The following LRRFIP1 variants were observed in gnomAD, a reference collection of about 807,000 sequenced individuals.
LRRFIP1 encodes the protein leucine-rich repeat flightless-interacting protein 1.
In LRRFIP1, 62 loss-of-function variants were observed where a neutral mutation model predicts 104.4. That is an observed-to-expected ratio of 0.59 (90% CI 0.48 to 0.73). LRRFIP1 has a LOEUF of 0.73. LRRFIP1 is among the 30% of genes least tolerant of loss of function. The pLI is 0.00. For synonymous variants in LRRFIP1, 300 were observed against 299.0 expected (o/e 1.00, Z -0.03); for missense variants, 796 against 824.5 (o/e 0.97, Z 0.42).
intron 1 of LRRFIP1, among the ~76,000 whole-genome samples, chr2:237,698,955 T>TA (rs1202570366): frequency 6.6e-6 from 1 of 152,218 alleles, no homozygotes; most frequent in African/African-American, 2.4e-5. Flanking sequence ...AACATTTCCT[T>TA]AAAAAATAAA....
At chr2:237,653,783 T>C (rs1016781131) in intron 1 of LRRFIP1, among the ~76,000 whole-genome samples, 1 of 152,200 alleles carries the variant, frequency 6.6e-6, no homozygotes, top group African/African-American at 2.4e-5. Context: ...ATAAGTGATG[T>C]TGGGGAAAAC....
intron 1 of LRRFIP1, among the ~76,000 whole-genome samples, chr2:237,700,739 C>T (rs1044885195): frequency 3.9e-5 from 6 of 152,182 alleles, no homozygotes; most frequent in South Asian, 2.1e-4. Context: ...TCCTGGCAAA[C>T]GGCGGGCATG....
rs2094379659 is a variant in LRRFIP1, at chr2:237,717,415, G to A, written c.202-347G>A. On this transcript the variant is annotated intron_variant, in intron 3 of 23. Transcript: ENST00000308482. This position sits in a 1 kb window ranked among gnomAD's most constrained non-coding sequence, Gnocchi z 4.2. ...TTCCTTCATCGCGTTTGCTTTGAAG[G>A]CATGAGCAGCCTGTTGGAGGGGGCG... 6.6e-6 allele frequency among the ~76,000 whole-genome samples: 1 copy of A among 152,210 alleles called. No individual in the cohort carries two copies. Among genetic ancestry groups the A allele is most frequent in the Non-Finnish European group, 1.5e-5 (1 of 68,040 alleles).
chr2:237,724,158 G>C (rs2094645112), intron 7 of LRRFIP1, among the ~76,000 whole-genome samples: 1 of 150,900 alleles, frequency 6.6e-6, no homozygotes, highest in Admixed American at 6.6e-5. Flanking sequence ...ATATGTCTCT[G>C]ACAGTTTCTG....
Position 237,759,475 on chromosome 2 carries a change from C to T in LRRFIP1, c.1318-589C>T, listed in dbSNP as rs1036267625. 2.0e-5 allele frequency among the ~76,000 whole-genome samples: 3 copies of T among 152,266 alleles called. No individual in the cohort carries two copies. In the South Asian group the frequency reaches 6.2e-4, roughly 32 times the overall value. ...CTGCTCCTTGAAGAGGCGATCAGTT[C>T]AGGGGAGTTCCTCACACACAAGGGA... On this transcript the variant is annotated intron_variant, in intron 18 of 23. Transcript: ENST00000308482.
chr2:237,691,145 G>T lies in LRRFIP1; in HGVS notation c.97-17399G>T, dbSNP rs979543063. Among the ~76,000 whole-genome samples the T allele has an allele frequency of 6.6e-6, 1 of 151,976 alleles. No individual in the cohort carries two copies. The highest frequency in any genetic ancestry group is 6.5e-5 in the Admixed American group (1 of 15,278). On this transcript the variant is annotated intron_variant, in intron 1 of 23. Transcript: ENST00000308482. This position sits in a 1 kb window ranked among gnomAD's most constrained non-coding sequence, Gnocchi z 5.4. The stretch of plus-strand genomic sequence containing the variant: ...TGCAGAGAAAAGGGAATTGGGAATT[G>T]GAGGGCTGTAAAATGTAAATGTGCT...
chr2:237,738,248 C>G lies in LRRFIP1; in HGVS notation c.556-984C>G, dbSNP rs146380866. Among the ~76,000 whole-genome samples the G allele has an allele frequency of 3.3e-5, 5 of 149,806 alleles. No homozygotes were observed. The East Asian group carries it at 9.7e-4, about 29-fold the overall frequency. ...GCACCCCTGAAGATCTGGATGAGATCTTGAGCACCCGTGAAGATCTGGATG... is the reference window on the plus strand; with the variant it reads ...GCACCCCTGAAGATCTGGATGAGATGTTGAGCACCCGTGAAGATCTGGATG... On this transcript the variant is annotated intron_variant, in intron 10 of 23. Transcript: ENST00000308482.
rs181534656 is a variant in LRRFIP1 at position 237,633,486 on chromosome 2, C to T, written c.96+5746C>T. 3.3e-5 allele frequency among the ~76,000 whole-genome samples: 5 copies of T among 150,126 alleles called. No individual in the cohort carries two copies. The East Asian group carries it at 9.7e-4, about 29-fold the overall frequency. The stretch of plus-strand genomic sequence containing the variant: ...CCTTTTCTGGGTGACTCTTGAGCCA[C>T]TCGTTGGCCTGGTACTCAGGGTTGG... On this transcript the variant is annotated intron_variant, in intron 1 of 23. Transcript: ENST00000308482.
At chr2:237,763,603 A>G (rs1305506602) in intron 19 of LRRFIP1, 1 of 1,613,730 alleles carries the variant, frequency 6.2e-7, no homozygotes. Context: ...CTGAAAATCC[A>G]AAACAGAAAA....
chr2:237,755,714 G>A (rs181626309), intron 15 of LRRFIP1, among the ~76,000 whole-genome samples: 2,218 of 152,292 alleles, frequency 0.015, 23 homozygotes, highest in Non-Finnish European at 0.024. Flanking sequence ...CAGGTGGATC[G>A]CTTGAGGTCA....
At chr2:237,681,818 T>G (rs1416711598) in intron 1 of LRRFIP1, among the ~76,000 whole-genome samples, 2 of 148,084 alleles carry the variant, frequency 1.4e-5, no homozygotes, top group Admixed American at 1.4e-4. Context: ...TAGCTGGGAC[T>G]ACAGGCGCCC....
At chr2:237,646,157 G>A (rs34094951) in intron 1 of LRRFIP1, among the ~76,000 whole-genome samples, 19,895 of 151,534 alleles carry the variant, frequency 0.13, 2,003 homozygotes, top group Non-Finnish European at 0.2. Context: ...TGATTAGTTC[G>A]CAGGAACAAT....
chr2:237,725,575 C>A (rs1329086717), intron 7 of LRRFIP1, among the ~76,000 whole-genome samples: 1 of 152,204 alleles, frequency 6.6e-6, no homozygotes, highest in Non-Finnish European at 1.5e-5. Context: ...CAAAGTACTT[C>A]TCCCTATGGA....
intron 1 of LRRFIP1, among the ~76,000 whole-genome samples, chr2:237,676,737 A>T (rs552566362): frequency 4.9e-4 from 74 of 152,324 alleles, no homozygotes; most frequent in African/African-American, 1.6e-3. Flanking sequence ...TCCTGGCCTC[A>T]AGTGATCTGC....
intron 8 of LRRFIP1, among the ~76,000 whole-genome samples, chr2:237,731,527 G>T (rs2095011857): frequency 6.8e-6 from 1 of 147,908 alleles, no homozygotes; most frequent in South Asian, 2.1e-4. Flanking sequence ...CTCAGTATAT[G>T]ATCAGCTGTG....
At chr2:237,779,034 C>T (rs1447081246) in intron 23 of LRRFIP1, among the ~76,000 whole-genome samples, 6 of 152,092 alleles carry the variant, frequency 3.9e-5, no homozygotes, top group Admixed American at 2.6e-4. Context: ...CCATCCTGGC[C>T]AACATGGCAA....
At position 237,735,394 on chromosome 2, in the gene LRRFIP1, C is replaced by A; in HGVS notation, c.555+61C>A. ...GCCTGCTGCATGGCCTGGGGATGCT[C>A]GCTGGGCAGGGTCCAGCCGTGGGGG... On this transcript the variant is annotated intron_variant, in intron 10 of 23. Transcript: ENST00000308482. The surrounding 1 kb of genome is among the most constrained non-coding windows in gnomAD (Gnocchi z 4.6). The A allele has an allele frequency of 6.6e-7, 1 of 1,525,844 alleles. No homozygotes were observed. The allele number at this position is 1,525,844 out of a possible 1,614,324, so 94.5% of individuals were successfully genotyped here.
intron 1 of LRRFIP1, among the ~76,000 whole-genome samples, chr2:237,673,608 T>C (rs2090681116): frequency 6.6e-6 from 1 of 152,190 alleles, no homozygotes; most frequent in Non-Finnish European, 1.5e-5. Flanking sequence ...TCGTTCTGTC[T>C]GTAGCTGGCG....
At position 237,723,597 on chromosome 2, in the gene LRRFIP1, C is replaced by T. The variant is rs762941793; in HGVS notation, c.384+11C>T. ...GGTCCTTACGCCTGGGTGAGATGGT[C>T]GGATATACTTTGCTGTGTGACCTTA... On this transcript the variant is annotated intron_variant, in intron 7 of 23. Transcript: ENST00000308482. 94 of 1,613,506 alleles carry T rather than the reference C, an allele frequency of 5.8e-5. No homozygotes were observed. The highest frequency in any genetic ancestry group is 1.6e-4 in the Middle Eastern group (1 of 6,084).
Sources: allele counts gnomAD v4.1 joint callset (sites outside exome capture counted in the v4.1 genomes callset), GRCh38; gene constraint gnomAD v4.1.1; non-coding constraint Gnocchi (gnomAD v3.1); transcripts MANE v1.5; gene names NCBI Gene and HGNC (gene_info 2026-07-23, HGNC 2026-07-21).